Variants in DDX60L observed in about 807,000 individuals in gnomAD.
DDX60L encodes DExD/H-box 60 like.
DDX60L carries 191 observed loss-of-function variants against 211.6 expected under a neutral mutation model. That is an observed-to-expected ratio of 0.90 (90% CI 0.80 to 1.02). The LOEUF is 1.02. Ranked by LOEUF, DDX60L falls within the 50% of genes least tolerant of loss-of-function variation. The probability of loss-of-function intolerance (pLI) is 0.00; values close to 1 mark genes in which losing one functional copy is unlikely to be tolerated. For synonymous variants in DDX60L, 706 were observed against 694.1 expected, an observed-to-expected ratio of 1.02 and a Z score of -0.27; for missense variants, 2,007 against 1,984.1, an observed-to-expected ratio of 1.01 and a Z score of -0.22.
rs753123421 is a variant in DDX60L at position 168,456,148 on chromosome 4, T to TA, written c.727dup (p.Tyr243LeufsTer41). On this transcript the variant is annotated frameshift_variant, in exon 7 of 38. Transcript: ENST00000682922. LOFTEE classifies it high-confidence loss of function. ...GTGCTGAAGCAGAAATAGAGTCTGATACGCCTATCAAAAAAGAAATTTCTT... is the reference window on the plus strand; with the variant it reads ...GTGCTGAAGCAGAAATAGAGTCTGATAACGCCTATCAAAAAAGAAATTTCTT... The TA allele has an allele frequency of 1.3e-5, 20 of 1,543,112 alleles. No homozygotes were observed. The highest frequency in any genetic ancestry group is 1.3e-5 in the Non-Finnish European group (15 of 1,151,818).
chr4:168,427,653 G>C (rs565944821), intron 13 of DDX60L, among the ~76,000 whole-genome samples: 1 of 152,240 alleles, frequency 6.6e-6, no homozygotes, highest in South Asian at 2.1e-4. Context: ...CAGCTTCTTG[G>C]GGATTTGGAA....
rs369269906 is a variant in DDX60L, at chr4:168,421,763, T to C, written c.2391A>G (p.Ala797=). The C allele has an allele frequency of 9.9e-6, 16 of 1,613,914 alleles. No homozygotes were observed. The highest frequency in any genetic ancestry group is 1.3e-5 in the Non-Finnish European group (15 of 1,179,944). Residue 797 remains alanine, a synonymous_variant, in exon 17 of 38, where the codon GCA becomes GCG. Transcript: ENST00000682922. ...ATGAAAGTCATTCAAACACTACCTTTGCGGGTGCAACGTACACAACCACCC... is the reference window on the plus strand; with the variant it reads ...ATGAAAGTCATTCAAACACTACCTTCGCGGGTGCAACGTACACAACCACCC... ...DVGVVVYVAP[A]KSLVGQVAAT...
At chr4:168,375,865 C>T (rs1204225292) in intron 33 of DDX60L, among the ~76,000 whole-genome samples, 1 of 152,190 alleles carries the variant, frequency 6.6e-6, no homozygotes, top group Non-Finnish European at 1.5e-5. Context: ...GCAGTAGTAG[C>T]GTCAATGCTT....
At chr4:168,385,096 G>A (rs910603566) in intron 29 of DDX60L, among the ~76,000 whole-genome samples, 4 of 152,196 alleles carry the variant, frequency 2.6e-5, no homozygotes, top group Non-Finnish European at 5.9e-5. Flanking sequence ...TTGGCTGATA[G>A]CTGGCAGTCT....
In DDX60L at chr4:168,371,684, C is replaced by G; in HGVS notation, c.4856G>C (p.Arg1619Thr). ...GAGCACATATGCATTTAGTGGCATT[C>G]TCCTTCCTCGGTTATCTAATTTCCA... ...WPWKLDNRGR[R>T]MPLNAYVLNF... Residue 1619 changes from arginine (R) to threonine (T), a missense_variant, in exon 36 of 38, where the codon AGA (arginine) becomes ACA (threonine). Coordinates refer to ENST00000682922, the MANE Select transcript of DDX60L (RefSeq NM_001012967.3). The G allele has an allele frequency of 6.2e-7, 1 of 1,608,622 alleles. No individual in the cohort carries two copies. The highest frequency in any genetic ancestry group is 1.1e-5 in the South Asian group (1 of 90,078).
At chr4:168,427,549 G>T (rs1751662411) in intron 13 of DDX60L, among the ~76,000 whole-genome samples, 1 of 152,162 alleles carries the variant, frequency 6.6e-6, no homozygotes, top group East Asian at 1.9e-4. Context: ...ATATTTTCTA[G>T]ATTTCTAAAT....
intron 36 of DDX60L, among the ~76,000 whole-genome samples, chr4:168,366,571 A>C (rs1365992669): frequency 6.6e-6 from 1 of 152,050 alleles, no homozygotes; most frequent in Non-Finnish European, 1.5e-5. Context: ...ATGATCTATA[A>C]ATTTAATACA....
intron 16 of DDX60L, 43 bp downstream of exon 16, chr4:168,422,481 G>A: frequency 2.6e-6 from 4 of 1,565,544 alleles, no homozygotes; most frequent in South Asian, 1.2e-5. Flanking sequence ...GAAAAGTTCT[G>A]AAGTCACACT....
rs757525882 is a variant in DDX60L, at chr4:168,379,542, T to C, written c.4222-38A>G. 1.2e-5 allele frequency: 18 copies of C among 1,450,776 alleles called. No homozygotes were observed. The South Asian group carries it at 2.3e-4, about 19-fold the overall frequency. 89.9% of individuals were successfully genotyped at this position (1,450,776 alleles called of 1,614,324 possible). ...AACAAAAAGTTGATTTAACTTGTCA[T>C]GTACTCAAATACCATAAAATACCAG... On this transcript the variant is annotated intron_variant, in intron 31 of 37. Coordinates refer to ENST00000682922, the MANE Select transcript of DDX60L (RefSeq NM_001012967.3).
intron 24 of DDX60L, 137 bp downstream of exon 24, chr4:168,405,813 G>T (rs973634931): frequency 4.4e-6 from 4 of 904,216 alleles, no homozygotes; most frequent in African/African-American, 1.7e-5. Context: ...ATACTCACTG[G>T]ATAACATGTT....
chr4:168,420,410 A>C (rs1464770785), intron 17 of DDX60L, 30 bp from the exon 18 acceptor site: 10 of 1,590,544 alleles, frequency 6.3e-6, no homozygotes, highest in Non-Finnish European at 8.5e-6. Flanking sequence ...ACCATTAGTC[A>C]CTTAGTAGAG....
chr4:168,413,605 C>G (rs1479463223), intron 22 of DDX60L, among the ~76,000 whole-genome samples: 2 of 151,598 alleles, frequency 1.3e-5, no homozygotes, highest in Non-Finnish European at 2.9e-5. Context: ...CCACCAGAGT[C>G]TCTTGATAGC....
At position 168,433,065 on chromosome 4, in the gene DDX60L, C is replaced by T. The variant is rs1214502686; in HGVS notation, c.1345G>A (p.Ala449Thr). The T allele has an allele frequency of 6.2e-7, 1 of 1,609,742 alleles. No individual in the cohort carries two copies. The highest frequency in any genetic ancestry group is 8.5e-7 in the Non-Finnish European group (1 of 1,177,688). ...TCTCCAACAAACTCATCAATTACAG[C>T]AGATGTCATTGGAATAAAGCCCACA... ...PSVGFIPMTS[A>T]VIDEFVGDMM... Residue 449 changes from alanine to threonine, a missense_variant, in exon 11 of 38, where the codon GCT becomes ACT. Transcript: ENST00000682922.
chr4:168,441,316 T>C, intron 10 of DDX60L, 21 bp downstream of exon 10: 1 of 1,562,890 alleles, frequency 6.4e-7, no homozygotes, highest in South Asian at 1.2e-5. Flanking sequence ...TTTGTTCCAC[T>C]TTAATTTACC....
Position 168,357,490 on chromosome 4 carries a change from A to G in DDX60L, c.*657T>C, listed in dbSNP as rs538957690. 2.0e-5 allele frequency: 3 copies of G among 152,506 alleles called. No homozygotes were observed. In the South Asian group the frequency reaches 6.2e-4, roughly 32 times the overall value. 9.4% of individuals were successfully genotyped at this position (152,506 alleles called of 1,614,324 possible). ...CTGCAGATGGCCATCTTCCCATTGTATCATCCAGTGGTAGTGAGCAGAGAT... is the reference window on the plus strand; with the variant it reads ...CTGCAGATGGCCATCTTCCCATTGTGTCATCCAGTGGTAGTGAGCAGAGAT... On this transcript the variant is annotated 3_prime_UTR_variant, in exon 38 of 38. Transcript: ENST00000682922.
At chr4:168,385,512 T>C (rs560368961) in intron 29 of DDX60L, among the ~76,000 whole-genome samples, 12 of 152,194 alleles carry the variant, frequency 7.9e-5, no homozygotes, top group African/African-American at 2.4e-4. Flanking sequence ...GAGGGGGTCA[T>C]GGGAACCCCA....
intron 22 of DDX60L, among the ~76,000 whole-genome samples, chr4:168,408,324 T>G (rs866498131): frequency 6.6e-6 from 1 of 152,208 alleles, no homozygotes; most frequent in African/African-American, 2.4e-5. Flanking sequence ...GTATACAATA[T>G]GCTGTTAAAA....
chr4:168,393,716 C>T (rs1268770887), intron 28 of DDX60L, among the ~76,000 whole-genome samples: 1 of 152,202 alleles, frequency 6.6e-6, no homozygotes, highest in Non-Finnish European at 1.5e-5. Context: ...CTGTCTAAAA[C>T]ATGTTAGTCT....
intron 35 of DDX60L, among the ~76,000 whole-genome samples, chr4:168,372,255 A>C (rs143988475): frequency 2.6e-5 from 4 of 152,136 alleles, no homozygotes; most frequent in African/African-American, 9.7e-5. Flanking sequence ...AGAAGAAAAA[A>C]GTGGCAGAGG....
Sources: gnomAD v4.1 joint callset for allele counts (sites outside exome capture counted in the v4.1 genomes callset) on GRCh38, gnomAD v4.1.1 for gene constraint, MANE v1.5 for transcripts, NCBI Gene and HGNC (gene_info 2026-07-23, HGNC 2026-07-21) for gene names.